Variants in SGCZ observed in about 807,000 individuals in gnomAD.
The protein encoded by SGCZ is sarcoglycan zeta.
SGCZ carries 40 observed loss-of-function variants against 41.3 expected under a neutral mutation model. That is an observed-to-expected ratio of 0.97 (90% CI 0.75 to 1.26). SGCZ has a LOEUF of 1.26. Ranked by LOEUF, SGCZ falls within the 50% of genes most tolerant of loss-of-function variation. The probability of loss-of-function intolerance (pLI) is 0.00; values close to 1 mark genes in which losing one functional copy is unlikely to be tolerated. For synonymous variants in SGCZ, 206 were observed against 137.5 expected (o/e 1.50, Z -3.49); for missense variants, 552 against 369.8 (o/e 1.49, Z -4.04).
intron 3 of SGCZ, among the ~76,000 whole-genome samples, chr8:14,238,743 T>C (rs1806858341): frequency 6.6e-6 from 1 of 152,018 alleles, no homozygotes; most frequent in South Asian, 2.1e-4. Context: ...CAATATAATG[T>C]TCTGGGGGGG....
At chr8:15,072,551 C>G (rs1047784004) in intron 1 of SGCZ, among the ~76,000 whole-genome samples, 4 of 152,234 alleles carry the variant, frequency 2.6e-5, no homozygotes, top group African/African-American at 7.2e-5. Flanking sequence ...TGCCACATAT[C>G]AATGTTGTTG....
intron 1 of SGCZ, among the ~76,000 whole-genome samples, chr8:14,613,270 A>G (rs1403925120): frequency 6.6e-6 from 1 of 152,180 alleles, no homozygotes; most frequent in East Asian, 1.9e-4. Flanking sequence ...TCCAACCTGA[A>G]AATATATTTC....
At chr8:14,719,892 C>T (rs1809823457) in intron 1 of SGCZ, among the ~76,000 whole-genome samples, 1 of 151,988 alleles carries the variant, frequency 6.6e-6, no homozygotes, top group Admixed American at 6.6e-5. Flanking sequence ...GCTTTTGTTG[C>T]CATTGCTTTT....
intron 1 of SGCZ, among the ~76,000 whole-genome samples, chr8:14,566,028 G>T (rs1804348574): frequency 6.6e-6 from 1 of 151,986 alleles, no homozygotes; most frequent in South Asian, 2.1e-4. Context: ...GTTCTGCTTT[G>T]GGTTATCTCA....
intron 1 of SGCZ, among the ~76,000 whole-genome samples, chr8:14,810,311 G>T (rs893819543): frequency 7.9e-5 from 12 of 151,934 alleles, no homozygotes; most frequent in African/African-American, 2.7e-4. Context: ...CTGAAGTAAG[G>T]TATTGCTATA....
intron 6 of SGCZ, 90 bp downstream of exon 6, chr8:14,108,072 AT>A (rs11336839): frequency 0.99 from 1,017,663 of 1,030,300 alleles, 503,552 homozygotes; most frequent in East Asian, 1. Context: ...TGGGAGAAAC[AT>A]TTGTCTAGTT....
At chr8:14,548,591 C>T (rs1252183541) in intron 2 of SGCZ, among the ~76,000 whole-genome samples, 1 of 152,068 alleles carries the variant, frequency 6.6e-6, no homozygotes, top group African/African-American at 2.4e-5. Context: ...AAAACATACA[C>T]CCCTGATTTT....
At chr8:15,228,582 A>C (rs562009503) in intron 1 of SGCZ, among the ~76,000 whole-genome samples, 43 of 152,314 alleles carry the variant, frequency 2.8e-4, no homozygotes, top group Middle Eastern at 3.4e-3. Flanking sequence ...TTTCTAAAAT[A>C]ATGTCTCTGC....
rs1802316108 is a variant in SGCZ, at chr8:14,506,716, GT to G, written c.234+48015del. On this transcript the variant is annotated intron_variant, in intron 2 of 7. Coordinates refer to ENST00000382080, the MANE Select transcript of SGCZ (RefSeq NM_139167.4). ...GATCAAGGATATCAATGGCTTTTAT[GT>G]TACTAAATTGAATGGTCCATCTCAG... Among the ~76,000 whole-genome samples, 3 of 152,202 alleles carry G rather than the reference GT, an allele frequency of 2.0e-5. No homozygotes were observed. In the South Asian group the frequency reaches 6.2e-4, roughly 32 times the overall value.
chr8:14,765,927 T>C (rs1585241878), intron 1 of SGCZ, among the ~76,000 whole-genome samples: 1 of 151,864 alleles, frequency 6.6e-6, no homozygotes, highest in East Asian at 1.9e-4. Flanking sequence ...CATTACCACA[T>C]TTACCAGTTA....
In SGCZ at chr8:14,487,723, ATACT is replaced by A. The variant is rs577186459; in HGVS notation, c.234+67005_234+67008del. The stretch of plus-strand genomic sequence containing the variant: ...GGAATTAGTAATCTCAGAATTACTA[ATACT>A]TAATATAATTTTAAGGTATTCGTAC... On this transcript the variant is annotated intron_variant, in intron 2 of 7. Transcript: ENST00000382080. 1.0e-3 allele frequency: 153 copies of A among 152,346 alleles called. 1 individual carries two copies. The highest frequency in any genetic ancestry group is 3.3e-3 in the African/African-American group (139 of 41,574). 9.4% of individuals were successfully genotyped at this position (152,346 alleles called of 1,614,324 possible). A position where few individuals can be genotyped will look rare whatever the true frequency, so the allele number is the denominator to read the frequency against.
intron 1 of SGCZ, among the ~76,000 whole-genome samples, chr8:15,004,260 T>C (rs1802522982): frequency 6.6e-6 from 1 of 152,060 alleles, no homozygotes; most frequent in African/African-American, 2.4e-5. Flanking sequence ...CTACACAACC[T>C]TCCTGAGGTG....
chr8:14,622,394 G>C (rs1174039297), intron 1 of SGCZ, among the ~76,000 whole-genome samples: 1 of 152,138 alleles, frequency 6.6e-6, no homozygotes, highest in Non-Finnish European at 1.5e-5. Context: ...CTGGCCCAGA[G>C]TTTGAAAAAT....
intron 1 of SGCZ, among the ~76,000 whole-genome samples, chr8:15,068,118 A>T (rs1030215401): frequency 3.9e-5 from 6 of 152,196 alleles, no homozygotes; most frequent in African/African-American, 1.4e-4. Context: ...TCAAATCTTC[A>T]TGAACTTTGA....
chr8:14,291,456 C>A (rs1349577591), intron 3 of SGCZ, among the ~76,000 whole-genome samples: 1 of 151,464 alleles, frequency 6.6e-6, no homozygotes, highest in African/African-American at 2.4e-5. Context: ...ATCAATTGAC[C>A]CTAGATTGCC....
chr8:14,113,398 A>T (rs1314643181), intron 5 of SGCZ, among the ~76,000 whole-genome samples: 2 of 151,980 alleles, frequency 1.3e-5, no homozygotes, highest in Non-Finnish European at 2.9e-5. Context: ...TATATTTTTA[A>T]TTATAACAGT....
chr8:14,534,369 G>C (rs1045982793), intron 2 of SGCZ, among the ~76,000 whole-genome samples: 1 of 152,014 alleles, frequency 6.6e-6, no homozygotes, highest in African/African-American at 2.4e-5. Flanking sequence ...TAATACATGA[G>C]AGGAAATTAG....
intron 1 of SGCZ, among the ~76,000 whole-genome samples, chr8:14,850,175 A>G (rs993693794): frequency 6.6e-6 from 1 of 152,178 alleles, no homozygotes; most frequent in Non-Finnish European, 1.5e-5. Context: ...ATATTATCTC[A>G]GTGTTAAATT....
intron 1 of SGCZ, among the ~76,000 whole-genome samples, chr8:14,829,874 C>T (rs886261288): frequency 5.3e-5 from 8 of 152,194 alleles, no homozygotes; most frequent in Middle Eastern, 3.4e-3. Context: ...TGCAGTGGCG[C>T]GATCTCGGCT....
Sources: allele counts gnomAD v4.1 joint callset (sites outside exome capture counted in the v4.1 genomes callset), GRCh38; gene constraint gnomAD v4.1.1; transcripts MANE v1.5; gene names NCBI Gene and HGNC (gene_info 2026-07-23, HGNC 2026-07-21).